Variants in TAPT1 observed in about 807,000 individuals in gnomAD.
TAPT1 encodes transmembrane anterior posterior transformation protein 1 homolog.
A neutral mutation model predicts 65.6 loss-of-function variants in TAPT1; 28 were observed. The observed-to-expected ratio is 0.43, with a 90% CI of 0.32 to 0.59. The LOEUF is 0.59. TAPT1 is among the 20% of genes least tolerant of loss of function. TAPT1 has a pLI of 0.09. For synonymous variants in TAPT1, 278 were observed against 245.2 expected (o/e 1.13, Z -1.25); for missense variants, 563 against 679.9 (o/e 0.83, Z 1.91).
chr4:16,179,459 C>G (rs1042723302), intron 8 of TAPT1, 118 bp downstream of exon 8: 1 of 587,086 alleles, frequency 1.7e-6, no homozygotes, highest in Non-Finnish European at 2.9e-6. Flanking sequence ...AATACCCAAA[C>G]AGTAAAACAG....
chr4:16,200,885 T>G (rs1022677083), intron 3 of TAPT1, among the ~76,000 whole-genome samples: 3 of 152,200 alleles, frequency 2.0e-5, no homozygotes, highest in Non-Finnish European at 4.4e-5. Context: ...TTGTTAATAA[T>G]AAGGCCTTCT....
At chr4:16,193,328 A>C (rs1026302957) in intron 3 of TAPT1, among the ~76,000 whole-genome samples, 1 of 152,212 alleles carries the variant, frequency 6.6e-6, no homozygotes, top group Non-Finnish European at 1.5e-5. Flanking sequence ...TACTCTTAGC[A>C]GTTGAAGTTA....
At chr4:16,194,191 T>G (rs1456952767) in intron 3 of TAPT1, among the ~76,000 whole-genome samples, 1 of 152,224 alleles carries the variant, frequency 6.6e-6, no homozygotes, top group Admixed American at 6.5e-5. Context: ...AATACCACAC[T>G]TTTTGAACCA....
intron 1 of TAPT1, among the ~76,000 whole-genome samples, chr4:16,218,664 T>C (rs544660584): frequency 6.6e-6 from 1 of 152,230 alleles, no homozygotes; most frequent in Non-Finnish European, 1.5e-5. Flanking sequence ...CTGTTTGCCT[T>C]ATCCACAGAA....
At chr4:16,224,218 T>C (rs188473934) in intron 1 of TAPT1, among the ~76,000 whole-genome samples, 1 of 152,262 alleles carries the variant, frequency 6.6e-6, no homozygotes, top group Admixed American at 6.5e-5. Context: ...GGCCAGCTCC[T>C]AGGGAATCGT....
intron 3 of TAPT1, among the ~76,000 whole-genome samples, chr4:16,192,963 TAAG>T (rs1478791669): frequency 3.3e-5 from 5 of 152,226 alleles, no homozygotes; most frequent in Non-Finnish European, 1.5e-5. Flanking sequence ...TTGTGGAGTT[TAAG>T]AAGGAATTTG....
At position 16,186,563 on chromosome 4, in the gene TAPT1, CT is replaced by C; in HGVS notation, c.887del (p.Lys296ArgfsTer23). ...IKGSVFKKFEKNNLFQMSNSD... is the reference protein window; with the variant it reads ...IKGSVFKKFEXNNLFQMSNSD... ...TATTTGACATTTGAAAGAGATTGTT[CT>C]TTTCAAACTTCTTGAAAACACTTCC... On this transcript the variant is annotated frameshift_variant, in exon 7 of 14. Transcript: ENST00000405303. LOFTEE classifies it high-confidence loss of function. 6.5e-7 allele frequency: 1 copy of C among 1,534,126 alleles called. No homozygotes were observed. The highest frequency in any genetic ancestry group is 8.8e-7 in the Non-Finnish European group (1 of 1,130,206).
chr4:16,199,714 C>G (rs1197992965), intron 3 of TAPT1, among the ~76,000 whole-genome samples: 1 of 152,120 alleles, frequency 6.6e-6, no homozygotes, highest in Non-Finnish European at 1.5e-5. Flanking sequence ...ACCTCAGCCT[C>G]CCAAGTAGCT....
intron 1 of TAPT1, among the ~76,000 whole-genome samples, chr4:16,225,291 G>A (rs1414645470): frequency 6.6e-6 from 1 of 152,184 alleles, no homozygotes; most frequent in African/African-American, 2.4e-5. Flanking sequence ...CAGTACTCAA[G>A]TACAATCAAT....
At chr4:16,176,264 T>C (rs1748317456) in intron 8 of TAPT1, 36 bp from the exon 9 acceptor site, 1 of 1,087,382 alleles carries the variant, frequency 9.2e-7, no homozygotes, top group Non-Finnish European at 1.3e-6. Flanking sequence ...CGAAATATCT[T>C]AATATGAACA....
chr4:16,221,374 C>T (rs538226875), intron 1 of TAPT1, among the ~76,000 whole-genome samples: 1 of 152,146 alleles, frequency 6.6e-6, no homozygotes, highest in Non-Finnish European at 1.5e-5. Context: ...AATCCACCCG[C>T]CTCAGCCTCC....
chr4:16,210,862 T>C (rs531994367), intron 2 of TAPT1, among the ~76,000 whole-genome samples: 1 of 152,194 alleles, frequency 6.6e-6, no homozygotes, highest in Admixed American at 6.5e-5. Flanking sequence ...AGAAGAAATG[T>C]CTCTCAAAAG....
rs1207289864 is a variant in TAPT1, at chr4:16,162,089, AAAGCACCTTT to A, written c.*1209_*1218del. ...CAATCTTCATCTCAAATAAAACCAA[AAAGCACCTTT>A]TGGTTGCTGTTCCCAACAGCCATAC... On this transcript the variant is annotated 3_prime_UTR_variant, in exon 14 of 14. Coordinates refer to ENST00000405303, the MANE Select transcript of TAPT1 (RefSeq NM_153365.3). 6.6e-6 allele frequency: 1 copy of A among 152,344 alleles called. No individual in the cohort carries two copies. Among genetic ancestry groups the A allele is most frequent in the East Asian group, 1.9e-4 (1 of 5,196 alleles). 9.4% of individuals were successfully genotyped at this position (152,344 alleles called of 1,614,324 possible).
chr4:16,187,567 C>T (rs1185778819), intron 5 of TAPT1, among the ~76,000 whole-genome samples: 1 of 151,870 alleles, frequency 6.6e-6, no homozygotes, highest in Non-Finnish European at 1.5e-5. Flanking sequence ...CAAGCATTAA[C>T]CCAATTTCTT....
intron 1 of TAPT1, 34 bp downstream of exon 1, chr4:16,226,225 G>A: frequency 1.8e-6 from 2 of 1,103,886 alleles, no homozygotes; most frequent in East Asian, 5.1e-5. Context: ...TCCGCCCCTC[G>A]GAGCCCGCCA....
At chr4:16,174,386 A>G (rs1748195859) in intron 10 of TAPT1, 114 bp from the exon 11 acceptor site, 4 of 901,988 alleles carry the variant, frequency 4.4e-6, no homozygotes, top group Non-Finnish European at 6.8e-6. Context: ...ATGGAGCAAG[A>G]ACAGAACCTG....
intron 2 of TAPT1, among the ~76,000 whole-genome samples, 172 bp downstream of exon 2, chr4:16,213,596 C>A (rs575154870): frequency 2.0e-5 from 3 of 152,238 alleles, no homozygotes; most frequent in East Asian, 3.9e-4. Flanking sequence ...CTGGGTCTTA[C>A]ACTAAAAAAT....
At chr4:16,201,760 A>AT (rs34074734) in intron 3 of TAPT1, among the ~76,000 whole-genome samples, 8,127 of 152,010 alleles carry the variant, frequency 0.053, 641 homozygotes, top group African/African-American at 0.18. Context: ...TATGCTGGGT[A>AT]TTTTTTTTAC....
intron 7 of TAPT1, among the ~76,000 whole-genome samples, chr4:16,182,381 A>G (rs1007157768): frequency 6.6e-6 from 1 of 152,218 alleles, no homozygotes; most frequent in African/African-American, 2.4e-5. Context: ...TTGATTAAAA[A>G]TTAAAATTTC....
Sources: allele counts gnomAD v4.1 joint callset (sites outside exome capture counted in the v4.1 genomes callset), GRCh38; gene constraint gnomAD v4.1.1; transcripts MANE v1.5; gene names NCBI Gene and HGNC (gene_info 2026-07-23, HGNC 2026-07-21).